SRGAP1: variants seen among roughly 807,000 people sequenced by gnomAD.
The protein encoded by SRGAP1 is SLIT-ROBO Rho GTPase-activating protein 1.
In SRGAP1, 43 loss-of-function variants were observed where a neutral mutation model predicts 121.9. The ratio of observed to expected loss-of-function variants is 0.35; its 90% CI spans 0.28 to 0.46. SRGAP1 has a LOEUF of 0.46. SRGAP1 is among the 20% of genes least tolerant of loss of function. The probability of loss-of-function intolerance (pLI) is 1.00; values close to 1 mark genes in which losing one functional copy is unlikely to be tolerated. For synonymous variants in SRGAP1, 447 were observed against 485.4 expected, an observed-to-expected ratio of 0.92 and a Z score of 1.04; for missense variants, 1,102 against 1,350.9, an observed-to-expected ratio of 0.82 and a Z score of 2.89.
At position 63,853,925 on chromosome 12, in the gene SRGAP1, C is replaced by T. The variant is rs145395790; in HGVS notation, c.67+9042C>T. Among the ~76,000 whole-genome samples the T allele has an allele frequency of 2.5e-3, 379 of 152,300 alleles. 1 individual carries two copies. Among genetic ancestry groups the T allele is most frequent in the African/African-American group, 8.1e-3 (337 of 41,562 alleles). ...TTGTCCATGGGACAACCAAATTTCT[C>T]ATTTGTTTACAACTCATTTATATAC... On this transcript the variant is annotated intron_variant, in intron 1 of 21. Coordinates refer to ENST00000355086, the MANE Select transcript of SRGAP1 (RefSeq NM_020762.4).
chr12:63,891,756 G>A (rs1433664970), intron 1 of SRGAP1, among the ~76,000 whole-genome samples: 1 of 152,132 alleles, frequency 6.6e-6, no homozygotes, highest in Non-Finnish European at 1.5e-5. Flanking sequence ...GGAGACCGAG[G>A]TGGGAGGATC....
chr12:63,846,339 GC>G (rs1898900918), intron 1 of SRGAP1, among the ~76,000 whole-genome samples: 1 of 152,024 alleles, frequency 6.6e-6, no homozygotes, highest in African/African-American at 2.4e-5. Flanking sequence ...TCATTCCAGG[GC>G]AGTACTCTTG....
At chr12:64,067,511 T>C (rs2035561671) in intron 8 of SRGAP1, among the ~76,000 whole-genome samples, 1 of 152,210 alleles carries the variant, frequency 6.6e-6, no homozygotes. Context: ...AGCAAATGAA[T>C]TGGATTATCC....
chr12:63,870,035 C>T (rs1252898909), intron 1 of SRGAP1, among the ~76,000 whole-genome samples: 1 of 152,198 alleles, frequency 6.6e-6, no homozygotes, highest in Non-Finnish European at 1.5e-5. Context: ...AGGGCTACAT[C>T]AGGATGCCAC....
intron 6 of SRGAP1, among the ~76,000 whole-genome samples, chr12:64,056,549 C>CAAAA (rs1273579087): frequency 3.3e-5 from 2 of 60,040 alleles, no homozygotes; most frequent in Admixed American, 1.7e-4. Context: ...TGAGACTCCA[C>CAAAA]AAAAAAAAAA....
At chr12:63,992,487 C>G (rs546764496) in intron 3 of SRGAP1, among the ~76,000 whole-genome samples, 120 of 152,168 alleles carry the variant, frequency 7.9e-4, no homozygotes, top group African/African-American at 2.8e-3. Flanking sequence ...GAGACTTGGC[C>G]TTTGTTTTGG....
At chr12:63,916,228 T>A (rs1002930663) in intron 1 of SRGAP1, among the ~76,000 whole-genome samples, 48 of 152,138 alleles carry the variant, frequency 3.2e-4, no homozygotes, top group Middle Eastern at 3.4e-3. Context: ...TTTCACCATG[T>A]TGCCCAGGCT....
chr12:63,955,445 T>C (rs1445919644), intron 1 of SRGAP1, among the ~76,000 whole-genome samples: 1 of 152,236 alleles, frequency 6.6e-6, no homozygotes. Flanking sequence ...CTCACACACT[T>C]ATCATTTTTT....
intron 1 of SRGAP1, among the ~76,000 whole-genome samples, chr12:63,961,439 A>C (rs1204829490): frequency 6.6e-6 from 1 of 152,202 alleles, no homozygotes; most frequent in Non-Finnish European, 1.5e-5. Flanking sequence ...CCTGGAGCAG[A>C]GGCCAGGCAG....
At chr12:63,945,101 A>G (rs993895076) in intron 1 of SRGAP1, among the ~76,000 whole-genome samples, 1 of 152,036 alleles carries the variant, frequency 6.6e-6, no homozygotes, top group Non-Finnish European at 1.5e-5. Flanking sequence ...TCTTCCTATC[A>G]TTTTGACATC....
intron 1 of SRGAP1, among the ~76,000 whole-genome samples, chr12:63,943,835 G>A (rs2031949437): frequency 6.6e-6 from 1 of 152,148 alleles, no homozygotes; most frequent in Admixed American, 6.5e-5. Context: ...TACATGGCTG[G>A]AATATGAAAC....
intron 15 of SRGAP1, among the ~76,000 whole-genome samples, chr12:64,100,218 C>T (rs575816010): frequency 6.6e-6 from 1 of 152,306 alleles, no homozygotes; most frequent in East Asian, 1.9e-4. Context: ...ACTTATCAAT[C>T]TGTCTGTTCT....
intron 1 of SRGAP1, among the ~76,000 whole-genome samples, chr12:63,893,281 CT>C (rs1900647996): frequency 6.6e-6 from 1 of 152,160 alleles, no homozygotes; most frequent in African/African-American, 2.4e-5. Flanking sequence ...AAAGTGAAGA[CT>C]GAGAAGAACT....
chr12:64,010,622 A>G (rs2034224936), intron 3 of SRGAP1, among the ~76,000 whole-genome samples: 1 of 152,118 alleles, frequency 6.6e-6, no homozygotes. Flanking sequence ...AGGCACTGGG[A>G]ATGCAAGGAC....
rs2037075347 is a variant in SRGAP1, at chr12:64,147,686, AAG to A, written c.*5016_*5017del. The A allele has an allele frequency of 2.5e-6, 1 of 398,520 alleles. No homozygotes were observed. Among genetic ancestry groups the A allele is most frequent in the African/African-American group, 2.1e-5 (1 of 48,618 alleles). The allele number at this position is 398,520 out of a possible 1,614,324, so 24.7% of individuals were successfully genotyped here. A position where few individuals can be genotyped will look rare whatever the true frequency, so the allele number is the denominator to read the frequency against. On this transcript the variant is annotated 3_prime_UTR_variant, in exon 22 of 22. Coordinates refer to ENST00000355086, the MANE Select transcript of SRGAP1 (RefSeq NM_020762.4). ...AAGGGGGATGCTTTTACAGTCTGGAAAGAAAAAAAATGTTTTGTTAATCTGTT... is the reference window on the plus strand; with the variant it reads ...AAGGGGGATGCTTTTACAGTCTGGAAAAAAAAAATGTTTTGTTAATCTGTT...
chr12:63,854,503 A>T (rs1353354386), intron 1 of SRGAP1, among the ~76,000 whole-genome samples: 1 of 152,238 alleles, frequency 6.6e-6, no homozygotes, highest in Non-Finnish European at 1.5e-5. Flanking sequence ...AGGGATACAG[A>T]TAAAATACAA....
At chr12:64,013,161 A>T (rs1203552841) in intron 3 of SRGAP1, among the ~76,000 whole-genome samples, 1 of 152,174 alleles carries the variant, frequency 6.6e-6, no homozygotes, top group Non-Finnish European at 1.5e-5. Flanking sequence ...TGGTTTAAAG[A>T]TTGCTTCTTT....
chr12:63,889,938 A>G (rs1432306945), intron 1 of SRGAP1, among the ~76,000 whole-genome samples: 2 of 151,660 alleles, frequency 1.3e-5, no homozygotes, highest in Non-Finnish European at 2.9e-5. Context: ...AGAATTTCTG[A>G]TGGTTATTTA....
At chr12:64,024,624 C>T (rs2034614771) in intron 4 of SRGAP1, among the ~76,000 whole-genome samples, 1 of 152,156 alleles carries the variant, frequency 6.6e-6, no homozygotes. Flanking sequence ...TGAGCGCTAA[C>T]TCCAGTATGC....
Sources: gnomAD v4.1 joint callset for allele counts (sites outside exome capture counted in the v4.1 genomes callset) on GRCh38, gnomAD v4.1.1 for gene constraint, MANE v1.5 for transcripts, NCBI Gene and HGNC (gene_info 2026-07-23, HGNC 2026-07-21) for gene names.